The following FBXL17 variants were observed in gnomAD, a reference collection of about 807,000 sequenced individuals.
FBXL17 encodes F-box and leucine rich repeat protein 17.
FBXL17 carries 22 observed loss-of-function variants against 66.2 expected under a neutral mutation model. That is an observed-to-expected ratio of 0.33 (90% confidence interval 0.24 to 0.47). FBXL17 has a LOEUF of 0.47. Ranked by LOEUF, FBXL17 falls within the 20% of genes least tolerant of loss-of-function variation. The pLI, the probability that FBXL17 is intolerant of heterozygous loss-of-function variation, is 1.00. For synonymous variants in FBXL17, 474 were observed against 400.5 expected (o/e 1.18, Z -2.19); for missense variants, 878 against 948.2 (o/e 0.93, Z 0.97).
At chr5:108,101,399 C>T (rs1749594522) in intron 6 of FBXL17, among the ~76,000 whole-genome samples, 1 of 152,228 alleles carries the variant, frequency 6.6e-6, no homozygotes, top group Non-Finnish European at 1.5e-5. Context: ...CTATTCATTA[C>T]TCCCTGATGC....
intron 5 of FBXL17, among the ~76,000 whole-genome samples, chr5:108,198,519 T>C (rs1753769128): frequency 6.6e-6 from 1 of 152,148 alleles, no homozygotes; most frequent in Non-Finnish European, 1.5e-5. Flanking sequence ...GTGCTCCCAG[T>C]CACCTGTCAT....
At chr5:108,379,117 T>A (rs1421954056) in intron 1 of FBXL17, among the ~76,000 whole-genome samples, 1 of 152,248 alleles carries the variant, frequency 6.6e-6, no homozygotes, top group Non-Finnish European at 1.5e-5. Flanking sequence ...AAGTTTATTT[T>A]ATTCTATTAG....
intron 8 of FBXL17, among the ~76,000 whole-genome samples, chr5:107,873,458 G>C (rs1748519197): frequency 6.6e-6 from 1 of 152,158 alleles, no homozygotes. Context: ...GGCAGGAGAG[G>C]CTTAGTTTTT....
intron 5 of FBXL17, among the ~76,000 whole-genome samples, chr5:108,207,058 G>A (rs1190080941): frequency 2.0e-5 from 3 of 152,076 alleles, no homozygotes; most frequent in Non-Finnish European, 4.4e-5. Flanking sequence ...CATCAGTTAG[G>A]CATGAGATTA....
chr5:107,879,728 A>G, intron 8 of FBXL17: 11 of 985,458 alleles, frequency 1.1e-5, no homozygotes, highest in Non-Finnish European at 1.3e-5. Flanking sequence ...TTATTTTGCT[A>G]GATTTGTTCC....
In FBXL17 at chr5:108,185,371, T is replaced by C. The variant is rs570438618; in HGVS notation, c.1745+746A>G. Among the ~76,000 whole-genome samples the C allele has an allele frequency of 5.3e-5, 8 of 152,308 alleles. No homozygotes were observed. In the South Asian group the frequency reaches 8.3e-4, roughly 16 times the overall value. On this transcript the variant is annotated intron_variant, in intron 6 of 8. Coordinates refer to ENST00000542267, the MANE Select transcript of FBXL17 (RefSeq NM_001163315.3). ...TGAGTTCGCACAAGAACTGGATGTC[T>C]AAAAATGTGTAGTACCTCCCACTTC...
At chr5:108,112,008 G>T (rs1247772284) in intron 6 of FBXL17, among the ~76,000 whole-genome samples, 3 of 152,176 alleles carry the variant, frequency 2.0e-5, no homozygotes, top group African/African-American at 7.2e-5. Context: ...TCAATGCCTG[G>T]AGAGAGTTTC....
intron 1 of FBXL17, among the ~76,000 whole-genome samples, chr5:108,369,105 CA>C (rs1433035895): frequency 6.6e-6 from 1 of 152,082 alleles, no homozygotes; most frequent in African/African-American, 2.4e-5. Context: ...TCACCTAAGA[CA>C]AATGCATATC....
chr5:108,275,452 T>C (rs187013497), intron 4 of FBXL17, among the ~76,000 whole-genome samples: 1 of 152,222 alleles, frequency 6.6e-6, no homozygotes, highest in Non-Finnish European at 1.5e-5. Context: ...ACCCTGAATA[T>C]GTTTCCATAG....
intron 4 of FBXL17, among the ~76,000 whole-genome samples, chr5:108,318,447 A>T (rs1759471266): frequency 6.6e-6 from 1 of 151,858 alleles, no homozygotes; most frequent in East Asian, 1.9e-4. Flanking sequence ...ACTGTTAAAA[A>T]ACATGTATAC....
chr5:108,093,244 T>G (rs1195895531), intron 6 of FBXL17, among the ~76,000 whole-genome samples: 1 of 151,994 alleles, frequency 6.6e-6, no homozygotes, highest in Non-Finnish European at 1.5e-5. Flanking sequence ...TAACCTACTG[T>G]TATTATAATG....
chr5:107,930,193 C>A (rs1477474706), intron 7 of FBXL17, among the ~76,000 whole-genome samples: 1 of 152,110 alleles, frequency 6.6e-6, no homozygotes, highest in African/African-American at 2.4e-5. Context: ...AGCACATTAC[C>A]ACGGCCTATA....
intron 7 of FBXL17, among the ~76,000 whole-genome samples, chr5:107,939,298 C>T (rs1438831853): frequency 6.6e-6 from 1 of 152,100 alleles, no homozygotes; most frequent in Non-Finnish European, 1.5e-5. Context: ...TCTCCGTTAT[C>T]ACAGTCATGA....
In FBXL17 at chr5:108,348,477, C is replaced by A. The variant is rs370257212; in HGVS notation, c.1428G>T (p.Lys476Asn). The change falls in exon 4 of 9, where the codon AAG (lysine) becomes AAT (asparagine). Residue 476 changes from lysine to asparagine, a missense_variant. Physicochemically the swap from Lys to Asn is moderately conservative, Grantham distance 94. Coordinates refer to ENST00000542267, the MANE Select transcript of FBXL17 (RefSeq NM_001163315.3). ...LKDIHFGQCY[K>N]ISDEGMIVIA... ...TGACGATCATGCCTTCATCTGAGAT[C>A]TTGTAACACTGGCCGAAATGAATAT... The A allele has an allele frequency of 4.3e-6, 7 of 1,613,594 alleles. No homozygotes were observed. The African/African-American group carries it at 9.3e-5, about 22-fold the overall frequency.
At chr5:107,956,291 C>A (rs564023355) in intron 7 of FBXL17, among the ~76,000 whole-genome samples, 2 of 152,328 alleles carry the variant, frequency 1.3e-5, no homozygotes, top group African/African-American at 4.8e-5. Context: ...TTCCTGAGAT[C>A]TCTGCGGGTA....
At chr5:108,099,446 G>C (rs1353114580) in intron 6 of FBXL17, among the ~76,000 whole-genome samples, 1 of 152,184 alleles carries the variant, frequency 6.6e-6, no homozygotes, top group Admixed American at 6.5e-5. Flanking sequence ...CAAAGATGCA[G>C]TTAGAGTTGA....
chr5:108,099,312 T>C (rs188551743), intron 6 of FBXL17, among the ~76,000 whole-genome samples: 2 of 152,220 alleles, frequency 1.3e-5, no homozygotes, highest in Non-Finnish European at 2.9e-5. Context: ...TCTATCCTCT[T>C]AGTTTTCTTA....
intron 5 of FBXL17, among the ~76,000 whole-genome samples, chr5:108,210,256 A>T (rs2150059693): frequency 6.6e-6 from 1 of 152,222 alleles, no homozygotes; most frequent in Admixed American, 6.5e-5. Context: ...CTTTTCAAAA[A>T]ACCAGCTCCT....
intron 4 of FBXL17, among the ~76,000 whole-genome samples, chr5:108,288,456 T>TA (rs1450278194): frequency 6.6e-6 from 1 of 151,694 alleles, no homozygotes; most frequent in Non-Finnish European, 1.5e-5. Flanking sequence ...AGAAGCATAA[T>TA]AAAGCAAAGC....
Sources: allele counts gnomAD v4.1 joint callset (sites outside exome capture counted in the v4.1 genomes callset), GRCh38; gene constraint gnomAD v4.1.1; transcripts MANE v1.5; gene names NCBI Gene and HGNC (gene_info 2026-07-23, HGNC 2026-07-21).